The following STPG2 variants were observed in gnomAD, a reference collection of about 807,000 sequenced individuals.
STPG2 encodes sperm-tail PG-rich repeat-containing protein 2.
A neutral mutation model predicts 54.2 loss-of-function variants in STPG2; 56 were observed. The observed-to-expected ratio is 1.03, with a 90% CI of 0.83 to 1.29. STPG2 has a LOEUF of 1.29. STPG2 is among the 50% of genes most tolerant of loss of function. The probability of loss-of-function intolerance (pLI) is 0.00; values close to 1 mark genes in which losing one functional copy is unlikely to be tolerated. For missense variants in STPG2, 596 were observed against 544.9 expected, an observed-to-expected ratio of 1.09 and a Z score of -0.93; for synonymous variants, 200 against 181.8, an observed-to-expected ratio of 1.10 and a Z score of -0.81.
At chr4:97,799,231 G>GTCA (rs1166404267) in intron 9 of STPG2, among the ~76,000 whole-genome samples, 95 of 151,952 alleles carry the variant, frequency 6.3e-4, no homozygotes, top group African/African-American at 2.2e-3. Flanking sequence ...TCATTCTGAT[G>GTCA]TTAGCTGGTT....
chr4:97,608,395 A>G (rs1032707365), intron 10 of STPG2, among the ~76,000 whole-genome samples: 2 of 152,050 alleles, frequency 1.3e-5, no homozygotes, highest in Non-Finnish European at 1.5e-5. Flanking sequence ...TGGCACAGGT[A>G]TAAGTGAGCT....
chr4:97,470,111 A>G (rs963564537), intron 4 of STPG2, among the ~76,000 whole-genome samples: 66 of 152,158 alleles, frequency 4.3e-4, no homozygotes, highest in Admixed American at 7.9e-4. Flanking sequence ...CTTATAAAAT[A>G]AAATGAAAGT....
At chr4:97,899,547 C>T (rs1375323677) in intron 8 of STPG2, among the ~76,000 whole-genome samples, 5 of 151,462 alleles carry the variant, frequency 3.3e-5, no homozygotes, top group Non-Finnish European at 5.9e-5. Context: ...AAGCTGGAGG[C>T]ATTACACTAC....
chr4:98,127,681 C>A (rs1039057134), intron 3 of STPG2, among the ~76,000 whole-genome samples: 1 of 152,196 alleles, frequency 6.6e-6, no homozygotes, highest in Non-Finnish European at 1.5e-5. Flanking sequence ...GACATACCAT[C>A]TATCTTCATT....
At chr4:97,996,127 T>C (rs1259085257) in intron 5 of STPG2, among the ~76,000 whole-genome samples, 1 of 152,200 alleles carries the variant, frequency 6.6e-6, no homozygotes, top group Non-Finnish European at 1.5e-5. Context: ...AGAGACTGAA[T>C]TGTCAGAGTA....
rs189643980 is a variant in STPG2, at chr4:97,830,541, A to G, written c.1204+10232T>C. Among the ~76,000 whole-genome samples the G allele has an allele frequency of 3.9e-5, 6 of 152,322 alleles. No homozygotes were observed. In the East Asian group the frequency reaches 1.2e-3, roughly 29 times the overall value. ...ACATAACAATATTAACCTTAAATTT[A>G]AACAGGCTAAATGCCCCAATTAAAA... is the stretch of plus-strand genomic sequence containing the variant. On this transcript the variant is annotated intron_variant, in intron 9 of 10. Coordinates refer to ENST00000295268, the MANE Select transcript of STPG2 (RefSeq NM_174952.3).
rs565629870 is a variant in STPG2 at position 97,965,961 on chromosome 4, C to A, written c.933+6319G>T. Among the ~76,000 whole-genome samples the A allele has an allele frequency of 2.6e-5, 4 of 152,286 alleles. No homozygotes were observed. The South Asian group carries it at 6.2e-4, about 24-fold the overall frequency. ...TCTAAAAACCAGAGTGCCTCTTCTC[C>A]TCTAAAGGATTGCAGATCCTCAACA... On this transcript the variant is annotated intron_variant, in intron 7 of 10. Transcript: ENST00000295268.
intron 5 of STPG2, among the ~76,000 whole-genome samples, chr4:98,058,544 C>T (rs1419127702): frequency 6.6e-6 from 1 of 152,152 alleles, no homozygotes; most frequent in South Asian, 2.1e-4. Flanking sequence ...AATGCAAGAG[C>T]ACCCAGATTC....
chr4:97,946,986 A>G (rs1733252462), intron 7 of STPG2, among the ~76,000 whole-genome samples: 1 of 152,094 alleles, frequency 6.6e-6, no homozygotes, highest in Non-Finnish European at 1.5e-5. Context: ...TTTGGGCAGT[A>G]TGGTCATTTT....
chr4:98,104,670 A>G (rs1411408070), intron 5 of STPG2, among the ~76,000 whole-genome samples: 1 of 152,200 alleles, frequency 6.6e-6, no homozygotes, highest in Non-Finnish European at 1.5e-5. Context: ...TTGATTTTCA[A>G]AAGAAAGAGT....
chr4:97,943,952 T>G lies in STPG2; in HGVS notation c.989A>C (p.Asn330Thr), dbSNP rs781115465. Residue 330 changes from asparagine (N) to threonine (T), a missense_variant, in exon 8 of 11, where the codon AAC becomes ACC. Transcript: ENST00000295268. ...TCTTGACAAGAAAGCAGCATATTTG[T>G]TAGTCAAGTTAGGTAATTCATCAGA... ...GISDELPNLT[N>T]KYAAFLSRAK... 1 of 1,599,730 alleles carries G rather than the reference T, an allele frequency of 6.3e-7. No individual in the cohort carries two copies. Among genetic ancestry groups the G allele is most frequent in the South Asian group, 1.1e-5 (1 of 87,954 alleles).
chr4:97,954,107 A>G (rs1733578205), intron 7 of STPG2, among the ~76,000 whole-genome samples: 1 of 152,242 alleles, frequency 6.6e-6, no homozygotes, highest in African/African-American at 2.4e-5. Context: ...AATTACCAAG[A>G]AATTAATTAC....
At chr4:97,903,420 A>T (rs1218660321) in intron 8 of STPG2, among the ~76,000 whole-genome samples, 1 of 152,052 alleles carries the variant, frequency 6.6e-6, no homozygotes, top group African/African-American at 2.4e-5. Flanking sequence ...GCCAAAAATC[A>T]AGTATCTAAG....
intron 4 of STPG2, among the ~76,000 whole-genome samples, chr4:97,523,360 A>C (rs916711869): frequency 5.3e-5 from 8 of 151,924 alleles, no homozygotes; most frequent in Non-Finnish European, 8.8e-5. Flanking sequence ...TAGGGTAGTT[A>C]CAATGATTAA....
intron 9 of STPG2, among the ~76,000 whole-genome samples, chr4:97,714,754 C>T (rs964979756): frequency 1.2e-4 from 18 of 151,946 alleles, no homozygotes; most frequent in African/African-American, 3.6e-4. Flanking sequence ...AAAACACAAA[C>T]TATCACCAGA....
intron 5 of STPG2, among the ~76,000 whole-genome samples, chr4:98,096,661 C>T: frequency 6.6e-6 from 1 of 151,494 alleles, no homozygotes; most frequent in East Asian, 1.9e-4. Flanking sequence ...GAAAACTATA[C>T]AAAAGATTAA....
chr4:97,722,797 A>T (rs1578507524), intron 9 of STPG2, among the ~76,000 whole-genome samples: 5 of 122,668 alleles, frequency 4.1e-5, no homozygotes, highest in South Asian at 2.6e-4. Flanking sequence ...GTCTCTGCCA[A>T]TTTTTTTTTT....
chr4:97,921,152 T>G (rs1186847600), intron 8 of STPG2, among the ~76,000 whole-genome samples: 1 of 152,112 alleles, frequency 6.6e-6, no homozygotes, highest in Non-Finnish European at 1.5e-5. Flanking sequence ...TGGGCAGAGA[T>G]AGTCTCCTCA....
chr4:97,605,353 A>G (rs1237200190), intron 10 of STPG2, among the ~76,000 whole-genome samples: 1 of 151,850 alleles, frequency 6.6e-6, no homozygotes, highest in Non-Finnish European at 1.5e-5. Flanking sequence ...TTTAGAGTTT[A>G]AAATATGCTT....
Sources: gnomAD v4.1 joint callset for allele counts (sites outside exome capture counted in the v4.1 genomes callset) on GRCh38, gnomAD v4.1.1 for gene constraint, MANE v1.5 for transcripts, NCBI Gene and HGNC (gene_info 2026-07-23, HGNC 2026-07-21) for gene names.